WSCD1: variants seen among roughly 807,000 people sequenced by gnomAD.
WSCD1 encodes the protein WSC domain sialate O sulfotransferase 1.
Under a neutral mutation model 60.4 loss-of-function variants are expected in WSCD1, and 41 were observed. That is an observed-to-expected ratio of 0.68 (90% CI 0.53 to 0.88). The LOEUF is 0.88. Among genes scored for constraint, WSCD1 ranks in the 40% least tolerant of loss-of-function variants. The pLI is 0.00. For synonymous variants in WSCD1, 361 were observed against 332.5 expected (o/e 1.09, Z -0.93); for missense variants, 784 against 796.2 (o/e 0.98, Z 0.18).
At chr17:6,100,279 G>A (rs542927827) in intron 5 of WSCD1, among the ~76,000 whole-genome samples, 3 of 152,304 alleles carry the variant, frequency 2.0e-5, no homozygotes, top group African/African-American at 4.8e-5. Context: ...GTTCTCCTTG[G>A]ATCCTTCTGG....
intron 5 of WSCD1, among the ~76,000 whole-genome samples, chr17:6,097,658 T>C (rs547795831): frequency 1.3e-5 from 2 of 152,386 alleles, no homozygotes; most frequent in South Asian, 4.1e-4. Flanking sequence ...AGTGACTACC[T>C]GTGTATGTAC....
At chr17:6,095,550 C>G (rs560740074) in intron 5 of WSCD1, among the ~76,000 whole-genome samples, 1 of 152,208 alleles carries the variant, frequency 6.6e-6, no homozygotes, top group Non-Finnish European at 1.5e-5. Context: ...GATGCTGGCT[C>G]GGGACTTGGG....
chr17:6,090,947 A>G (rs1016833538), intron 4 of WSCD1, among the ~76,000 whole-genome samples: 3 of 152,046 alleles, frequency 2.0e-5, no homozygotes, highest in Admixed American at 6.5e-5. Context: ...CTAGAATGCA[A>G]TGGCCCAATC....
At chr17:6,087,428 C>T (rs1019250127) in intron 2 of WSCD1, among the ~76,000 whole-genome samples, 11 of 152,220 alleles carry the variant, frequency 7.2e-5, no homozygotes, top group African/African-American at 2.2e-4. Context: ...ACAGACTCTG[C>T]GGACACACTC....
rs1449347795 is a variant in WSCD1, at chr17:6,109,769, G to A, written c.1009+3G>A. On this transcript the variant is annotated splice_donor_region_variant and intron_variant, in intron 6 of 8. Transcript: ENST00000317744. ...GGTCTACCAGACACCTGTGCAAGGT[G>A]GGTTCTGCATCCCCGACTGGTAGTG... The A allele has an allele frequency of 2.5e-6, 4 of 1,610,044 alleles. No homozygotes were observed. The highest frequency in any genetic ancestry group is 3.4e-6 in the Non-Finnish European group (4 of 1,176,866).
Position 6,080,382 on chromosome 17 carries a change from A to G in WSCD1, c.-277A>G. The G allele has an allele frequency of 2.1e-6, 1 of 472,496 alleles. No homozygotes were observed. The highest frequency in any genetic ancestry group is 3.7e-6 in the Non-Finnish European group (1 of 267,790). The allele number at this position is 472,496 out of a possible 1,614,324, so 29.3% of individuals were successfully genotyped here. On this transcript the variant is annotated 5_prime_UTR_variant, in exon 2 of 9. Coordinates refer to ENST00000317744, the MANE Select transcript of WSCD1 (RefSeq NM_015253.2). The surrounding 1 kb of genome is among the most constrained non-coding windows in gnomAD (Gnocchi z 6.6). Reference sequence around the variant, plus strand: ...TCTCCACCTTCCAGATTTCTGCGCCAGGAGATGAGGGGCGGTAGAGCCCTG... The same window carrying G: ...TCTCCACCTTCCAGATTTCTGCGCCGGGAGATGAGGGGCGGTAGAGCCCTG...
Position 6,120,766 on chromosome 17 carries a change from T to TGGGTG in WSCD1, c.*109_*113dup. On this transcript the variant is annotated 3_prime_UTR_variant, in exon 9 of 9. Coordinates refer to ENST00000317744, the MANE Select transcript of WSCD1 (RefSeq NM_015253.2). ...CCCGTGGCCTCACTGGGACGAACGG[T>TGGGTG]GGGTGGGGGGCTCACCCTGGTGCTG... 1 of 1,247,552 alleles carries TGGGTG rather than the reference T, an allele frequency of 8.0e-7. No homozygotes were observed. The highest frequency in any genetic ancestry group is 1.1e-6 in the Non-Finnish European group (1 of 911,466). 77.3% of individuals were successfully genotyped at this position (1,247,552 alleles called of 1,614,324 possible).
At chr17:6,089,243 TC>T (rs1358442485) in intron 3 of WSCD1, among the ~76,000 whole-genome samples, 1 of 152,148 alleles carries the variant, frequency 6.6e-6, no homozygotes, top group Non-Finnish European at 1.5e-5. Flanking sequence ...GATGATACAT[TC>T]TCTTTTTAGT....
chr17:6,110,451 G>A lies in WSCD1; in HGVS notation c.1010-320G>A, dbSNP rs1911346372. ...CACCCACTTCCCCTATTAGAATCTG[G>A]AATTATCTGTGCTATGTCAGGAGCA... On this transcript the variant is annotated intron_variant, in intron 6 of 8. Coordinates refer to ENST00000317744, the MANE Select transcript of WSCD1 (RefSeq NM_015253.2). This position sits in a 1 kb window ranked among gnomAD's most constrained non-coding sequence, Gnocchi z 4.8. Among the ~76,000 whole-genome samples the A allele has an allele frequency of 6.6e-6, 1 of 152,154 alleles. No individual in the cohort carries two copies. Among genetic ancestry groups the A allele is most frequent in the South Asian group, 2.1e-4 (1 of 4,832 alleles).
intron 5 of WSCD1, among the ~76,000 whole-genome samples, chr17:6,105,447 G>T (rs746268170): frequency 1.2e-4 from 18 of 152,134 alleles, no homozygotes; most frequent in Non-Finnish European, 2.5e-4. Context: ...AGGGTAGGGT[G>T]CGAGAAGCAG....
intron 2 of WSCD1, chr17:6,082,024 A>G (rs995487834): frequency 1.3e-5 from 2 of 152,208 alleles, no homozygotes; most frequent in African/African-American, 2.4e-5. Flanking sequence ...GCCCTGGTAT[A>G]TTATTTGGCA....
chr17:6,094,497 A>G (rs1273258481), intron 4 of WSCD1, among the ~76,000 whole-genome samples: 3 of 151,996 alleles, frequency 2.0e-5, no homozygotes, highest in Admixed American at 6.6e-5. Context: ...CTACCATGGG[A>G]GGAATCTGGC....
Position 6,118,313 on chromosome 17 carries a change from A to T in WSCD1, c.1375+125A>T. 1 of 1,010,114 alleles carries T rather than the reference A, an allele frequency of 9.9e-7. No individual in the cohort carries two copies. The highest frequency in any genetic ancestry group is 2.2e-5 in the Admixed American group (1 of 44,792). The allele number at this position is 1,010,114 out of a possible 1,614,324, so 62.6% of individuals were successfully genotyped here. A position where few individuals can be genotyped will look rare whatever the true frequency, so the allele number is the denominator to read the frequency against. On this transcript the variant is annotated intron_variant, in intron 8 of 8. Transcript: ENST00000317744. The surrounding 1 kb of genome is among the most constrained non-coding windows in gnomAD (Gnocchi z 5.8). ...GCAGGATCAGTATACACAGGTAGGC[A>T]CTCAAACCCCATCCTGCTAGGGACT...
chr17:6,118,473 G>A lies in WSCD1; in HGVS notation c.1375+285G>A, dbSNP rs937189895. Among the ~76,000 whole-genome samples, 2 of 152,218 alleles carry A rather than the reference G, an allele frequency of 1.3e-5. No individual in the cohort carries two copies. Among genetic ancestry groups the A allele is most frequent in the Non-Finnish European group, 2.9e-5 (2 of 68,042 alleles). ...TCTTCTCTGCCTCCATGAGTGCATA[G>A]TGGGGTGATATGCACCCCTTTCCAT... On this transcript the variant is annotated intron_variant, in intron 8 of 8. Coordinates refer to ENST00000317744, the MANE Select transcript of WSCD1 (RefSeq NM_015253.2). This position sits in a 1 kb window ranked among gnomAD's most constrained non-coding sequence, Gnocchi z 5.8.
At chr17:6,113,242 A>G (rs1458098388) in intron 7 of WSCD1, among the ~76,000 whole-genome samples, 6 of 152,214 alleles carry the variant, frequency 3.9e-5, no homozygotes, top group Admixed American at 3.3e-4. Context: ...CTGGATAACC[A>G]TATGCAGAAG....
intron 2 of WSCD1, among the ~76,000 whole-genome samples, chr17:6,087,164 GCCTA>G (rs1909711536): frequency 6.6e-6 from 1 of 152,200 alleles, no homozygotes; most frequent in South Asian, 2.1e-4. Flanking sequence ...ACATTTACAT[GCCTA>G]CCCGCGTTTG....
At chr17:6,091,656 G>A (rs1721489670) in intron 4 of WSCD1, among the ~76,000 whole-genome samples, 1 of 152,224 alleles carries the variant, frequency 6.6e-6, no homozygotes, top group Non-Finnish European at 1.5e-5. Flanking sequence ...CATGCTGGGG[G>A]CCATTCTTTT....
intron 1 of WSCD1, among the ~76,000 whole-genome samples, chr17:6,076,673 G>A (rs542505250): frequency 1.2e-4 from 19 of 152,208 alleles, no homozygotes; most frequent in Non-Finnish European, 1.9e-4. Flanking sequence ...TGCTTTGCTC[G>A]AGGTAGGTTT....
At chr17:6,076,754 A>G (rs1908887683) in intron 1 of WSCD1, among the ~76,000 whole-genome samples, 1 of 152,148 alleles carries the variant, frequency 6.6e-6, no homozygotes, top group African/African-American at 2.4e-5. Flanking sequence ...CCCTATGCAG[A>G]TGAGCAGTGG....
Sources: allele counts gnomAD v4.1 joint callset (sites outside exome capture counted in the v4.1 genomes callset), GRCh38; gene constraint gnomAD v4.1.1; non-coding constraint Gnocchi (gnomAD v3.1); transcripts MANE v1.5; gene names NCBI Gene and HGNC (gene_info 2026-07-23, HGNC 2026-07-21).